The following PITPNC1 variants were observed in gnomAD, a reference collection of about 807,000 sequenced individuals.
PITPNC1 encodes the protein cytoplasmic phosphatidylinositol transfer protein 1.
A neutral mutation model predicts 44.7 loss-of-function variants in PITPNC1; 18 were observed. The ratio of observed to expected loss-of-function variants is 0.40; its 90% CI spans 0.28 to 0.60. The LOEUF (loss-of-function observed/expected upper bound fraction) is 0.60, where lower values mean the gene tolerates loss of function less well. Ranked by LOEUF, PITPNC1 falls within the 20% of genes least tolerant of loss-of-function variation. The pLI is 0.39. For synonymous variants in PITPNC1, 141 were observed against 149.6 expected (o/e 0.94, Z 0.42); for missense variants, 290 against 418.4 (o/e 0.69, Z 2.68).
intron 5 of PITPNC1, among the ~76,000 whole-genome samples, chr17:67,618,101 T>TTA (rs1204026526): frequency 6.6e-6 from 1 of 151,994 alleles, no homozygotes; most frequent in Non-Finnish European, 1.5e-5. Flanking sequence ...TGGCTCATGC[T>TTA]TATAATCCCA....
chr17:67,538,149 C>T (rs976392777), intron 2 of PITPNC1, among the ~76,000 whole-genome samples: 3 of 151,450 alleles, frequency 2.0e-5, no homozygotes, highest in East Asian at 1.9e-4. Flanking sequence ...ACAAAGTAGC[C>T]CCCAGACAGA....
At chr17:67,631,671 T>TATATATAAAA (rs1272988970) in intron 5 of PITPNC1, among the ~76,000 whole-genome samples, 2 of 69,668 alleles carry the variant, frequency 2.9e-5, no homozygotes, top group East Asian at 3.4e-4. Flanking sequence ...TATATATATA[T>TATATATAAAA]AAAATATATA....
chr17:67,387,451 A>G (rs2038071984), intron 1 of PITPNC1, among the ~76,000 whole-genome samples: 1 of 152,112 alleles, frequency 6.6e-6, no homozygotes, highest in East Asian at 1.9e-4. Flanking sequence ...GGGTCACTTG[A>G]GGTCGGGAGT....
intron 1 of PITPNC1, among the ~76,000 whole-genome samples, chr17:67,528,561 T>G (rs914911566): frequency 6.6e-6 from 1 of 152,164 alleles, no homozygotes; most frequent in Non-Finnish European, 1.5e-5. Context: ...GGATATGGTA[T>G]TTTCACTAAG....
intron 1 of PITPNC1, among the ~76,000 whole-genome samples, chr17:67,509,486 G>A (rs766113229): frequency 1.3e-5 from 2 of 151,230 alleles, no homozygotes; most frequent in South Asian, 2.1e-4. Flanking sequence ...GCAGTGAGCC[G>A]AGATTGCACC....
intron 1 of PITPNC1, among the ~76,000 whole-genome samples, chr17:67,419,260 G>A (rs2038631608): frequency 6.6e-6 from 1 of 152,142 alleles, no homozygotes; most frequent in East Asian, 1.9e-4. Context: ...GGTACATGTG[G>A]TGGAGAAATG....
intron 1 of PITPNC1, among the ~76,000 whole-genome samples, chr17:67,403,774 C>A (rs1337940892): frequency 6.6e-6 from 1 of 152,198 alleles, no homozygotes; most frequent in Non-Finnish European, 1.5e-5. Flanking sequence ...GTAATCCTAG[C>A]ATTTTGGGAG....
At chr17:67,498,856 G>GT (rs762263636) in intron 1 of PITPNC1, among the ~76,000 whole-genome samples, 14,063 of 136,708 alleles carry the variant, frequency 0.1, 727 homozygotes, top group African/African-American at 0.16. Flanking sequence ...TATCTTCTTT[G>GT]TTTTTTTTTT....
At position 67,632,463 on chromosome 17, in the gene PITPNC1, T is replaced by C. The variant is rs1485015007; in HGVS notation, c.462+225T>C. On this transcript the variant is annotated intron_variant, in intron 6 of 8. Transcript: ENST00000581322. Reference sequence around the variant, plus strand: ...ACTCAATCTCCACTTAGTTTTCCTGTCTCCCAACTCTGCCATCATTTTTGG... The same window carrying C: ...ACTCAATCTCCACTTAGTTTTCCTGCCTCCCAACTCTGCCATCATTTTTGG... The C allele has an allele frequency of 1.1e-5, 6 of 561,098 alleles. No individual in the cohort carries two copies. The African/African-American group carries it at 1.1e-4, about 11-fold the overall frequency. 34.8% of individuals were successfully genotyped at this position (561,098 alleles called of 1,614,324 possible). A position where few individuals can be genotyped will look rare whatever the true frequency, so the allele number is the denominator to read the frequency against.
chr17:67,425,203 G>GCACACGCACACA (rs2038739427), intron 1 of PITPNC1, among the ~76,000 whole-genome samples: 2 of 98,822 alleles, frequency 2.0e-5, no homozygotes, highest in East Asian at 3.6e-4. Context: ...GCACGCACAC[G>GCACACGCACACA]CACACACACA....
chr17:67,403,215 C>CAAAAA (rs1567976484), intron 1 of PITPNC1, among the ~76,000 whole-genome samples: 3 of 13,984 alleles, frequency 2.1e-4, no homozygotes, highest in African/African-American at 1.2e-3. Flanking sequence ...GACCTCATCT[C>CAAAAA]TACAAAAAAA....
chr17:67,604,804 T>C (rs749155533), intron 5 of PITPNC1, among the ~76,000 whole-genome samples: 1 of 147,774 alleles, frequency 6.8e-6, no homozygotes, highest in African/African-American at 2.5e-5. Flanking sequence ...AAAATATGAC[T>C]GGGCATGGCT....
chr17:67,488,541 C>T (rs2039815936), intron 1 of PITPNC1, among the ~76,000 whole-genome samples: 1 of 152,222 alleles, frequency 6.6e-6, no homozygotes, highest in East Asian at 1.9e-4. Context: ...GGAAGGGCCA[C>T]ATGTGGGCTC....
chr17:67,459,339 A>G (rs1387462397), intron 1 of PITPNC1, among the ~76,000 whole-genome samples: 1 of 149,320 alleles, frequency 6.7e-6, no homozygotes, highest in Admixed American at 6.7e-5. Context: ...CTGGTCTTGA[A>G]CTCCTGACCT....
intron 5 of PITPNC1, among the ~76,000 whole-genome samples, chr17:67,585,414 C>A (rs1489795967): frequency 6.6e-6 from 1 of 152,058 alleles, no homozygotes; most frequent in Non-Finnish European, 1.5e-5. Context: ...GAGACAGGAC[C>A]TTTAAAGAGG....
rs2041690546 is a variant in PITPNC1 at position 67,611,762 on chromosome 17, C to T, written c.367-20381C>T. On this transcript the variant is annotated intron_variant, in intron 5 of 8. Coordinates refer to ENST00000581322, the MANE Select transcript of PITPNC1 (RefSeq NM_012417.4). ...AAGTGCTGGGATTACAGGCATGAGCCACCCGGCCAATGAATGGTTTTTAAA... is the reference window on the plus strand; with the variant it reads ...AAGTGCTGGGATTACAGGCATGAGCTACCCGGCCAATGAATGGTTTTTAAA... 3 of 152,230 alleles carry T rather than the reference C, an allele frequency of 2.0e-5. No homozygotes were observed. In the South Asian group the frequency reaches 6.2e-4, roughly 31 times the overall value. The allele number at this position is 152,230 out of a possible 1,614,324, so 9.4% of individuals were successfully genotyped here. A position where few individuals can be genotyped will look rare whatever the true frequency, so the allele number is the denominator to read the frequency against.
intron 1 of PITPNC1, among the ~76,000 whole-genome samples, chr17:67,414,250 C>G (rs2038553031): frequency 2.0e-5 from 3 of 152,178 alleles, no homozygotes; most frequent in Admixed American, 2.0e-4. Flanking sequence ...TTAAAAGCAA[C>G]TGTGCCTGCT....
chr17:67,402,495 C>T (rs1365322081), intron 1 of PITPNC1, among the ~76,000 whole-genome samples: 1 of 151,948 alleles, frequency 6.6e-6, no homozygotes, highest in Non-Finnish European at 1.5e-5. Context: ...TCTTCTCCAC[C>T]CCCCATCCCC....
At chr17:67,475,734 C>T (rs187270640) in intron 1 of PITPNC1, among the ~76,000 whole-genome samples, 144 of 152,288 alleles carry the variant, frequency 9.5e-4, no homozygotes, top group African/African-American at 2.1e-3. Flanking sequence ...GGAGGGAATG[C>T]GTGTTTGCTT....
Sources: allele counts gnomAD v4.1 joint callset (sites outside exome capture counted in the v4.1 genomes callset), GRCh38; gene constraint gnomAD v4.1.1; transcripts MANE v1.5; gene names NCBI Gene and HGNC (gene_info 2026-07-23, HGNC 2026-07-21).